SLC35D4: variants seen among roughly 807,000 people sequenced by gnomAD.
The protein encoded by SLC35D4 is UDP-N-acetylglucosamine transporter SLC35D4.
chr18:23,362,882 A>G, the SLC35D4 span, among the ~76,000 whole-genome samples: 2 of 152,206 alleles, frequency 1.3e-5, no homozygotes, highest in African/African-American at 2.4e-5. Context: ...TCTGACCATC[A>G]TAAGTTTAAC....
At chr18:23,257,822 CTATT>C in the SLC35D4 span, 1 of 154,188 alleles carries the variant, frequency 6.5e-6, no homozygotes, top group African/African-American at 2.4e-5. Context: ...GTGTGCCAAT[CTATT>C]TTTGTATCAG....
At chr18:23,305,287 T>C in the SLC35D4 span, among the ~76,000 whole-genome samples, 3 of 152,226 alleles carry the variant, frequency 2.0e-5, no homozygotes, top group Non-Finnish European at 4.4e-5. Flanking sequence ...AGGATCACAG[T>C]GGTGGGACAA....
chr18:23,423,867 C>G, the SLC35D4 span, among the ~76,000 whole-genome samples: 1 of 152,124 alleles, frequency 6.6e-6, no homozygotes, highest in African/African-American at 2.4e-5. Context: ...ACCCCAGCAC[C>G]GGAGCACTGG....
the SLC35D4 span, among the ~76,000 whole-genome samples, chr18:23,337,969 A>G: frequency 6.6e-6 from 1 of 152,354 alleles, no homozygotes; most frequent in Non-Finnish European, 1.5e-5. Flanking sequence ...GGAAACTCCT[A>G]TATGGGAGAC....
chr18:23,355,298 C>T, the SLC35D4 span, among the ~76,000 whole-genome samples: 1 of 152,148 alleles, frequency 6.6e-6, no homozygotes, highest in Non-Finnish European at 1.5e-5. Context: ...CCCACAAAGC[C>T]AACATCAATG....
the SLC35D4 span, chr18:23,365,711 C>G: frequency 6.2e-7 from 1 of 1,605,530 alleles, no homozygotes; most frequent in Non-Finnish European, 8.5e-7. Flanking sequence ...TTCCCCGGCA[C>G]CAAAAACCCC....
chr18:23,375,133 A>T, the SLC35D4 span, among the ~76,000 whole-genome samples: 1 of 148,104 alleles, frequency 6.8e-6, no homozygotes, highest in African/African-American at 2.5e-5. Flanking sequence ...AATAAAAATA[A>T]AAATAAATAA....
chr18:23,246,638 A>G, the SLC35D4 span, among the ~76,000 whole-genome samples: 9,367 of 151,362 alleles, frequency 0.062, 781 homozygotes, highest in African/African-American at 0.16. Flanking sequence ...TGATCCGCCC[A>G]CCTTGGCCTC....
the SLC35D4 span, chr18:23,258,010 A>G: frequency 1.3e-5 from 2 of 152,202 alleles, no homozygotes; most frequent in Non-Finnish European, 2.9e-5. Flanking sequence ...TGATTTCTGG[A>G]TAAGAATTGC....
the SLC35D4 span, among the ~76,000 whole-genome samples, chr18:23,401,432 G>C: frequency 6.6e-6 from 1 of 152,212 alleles, no homozygotes; most frequent in Non-Finnish European, 1.5e-5. Flanking sequence ...TGTAATAGAT[G>C]TCAGCACCCC....
At chr18:23,250,178 G>A in the SLC35D4 span, among the ~76,000 whole-genome samples, 1 of 152,224 alleles carries the variant, frequency 6.6e-6, no homozygotes, top group Non-Finnish European at 1.5e-5. Flanking sequence ...CCACATGATC[G>A]TTAAGCAGCA....
At chr18:23,275,245 C>T in the SLC35D4 span, among the ~76,000 whole-genome samples, 11 of 152,122 alleles carry the variant, frequency 7.2e-5, no homozygotes, top group Non-Finnish European at 1.3e-4. Flanking sequence ...TGCACTCACA[C>T]GGCCAGGCTG....
At chr18:23,312,718 A>G in the SLC35D4 span, among the ~76,000 whole-genome samples, 2 of 152,144 alleles carry the variant, frequency 1.3e-5, no homozygotes, top group African/African-American at 4.8e-5. Context: ...ATCTGTTTAC[A>G]AGCCTATCTC....
the SLC35D4 span, chr18:23,352,177 C>T: frequency 1.9e-6 from 3 of 1,584,596 alleles, no homozygotes; most frequent in Non-Finnish European, 2.6e-6. Flanking sequence ...GAGAATTTCC[C>T]ACCCCTCTTG....
chr18:23,244,396 G>A, the SLC35D4 span, among the ~76,000 whole-genome samples: 1 of 152,224 alleles, frequency 6.6e-6, no homozygotes, highest in Non-Finnish European at 1.5e-5. Context: ...TCCAGGATTC[G>A]GTATTTTGAA....
chr18:23,411,226 GAGGGA>G, the SLC35D4 span, among the ~76,000 whole-genome samples: 1 of 142,898 alleles, frequency 7.0e-6, no homozygotes, highest in Non-Finnish European at 1.5e-5. Context: ...GAGGGGAGGG[GAGGGA>G]AGGGAAGGGG....
the SLC35D4 span, among the ~76,000 whole-genome samples, chr18:23,395,861 A>G: frequency 1.1e-4 from 17 of 152,288 alleles, no homozygotes; most frequent in East Asian, 3.1e-3. Context: ...CCCAAGTCCA[A>G]CTCACACTTC....
the SLC35D4 span, chr18:23,385,067 C>T: frequency 2.2e-5 from 35 of 1,611,812 alleles, no homozygotes; most frequent in Admixed American, 5.5e-4. Flanking sequence ...ACAGGAATGG[C>T]CTGAAAGAAA....
chr18:23,308,842 C>A, the SLC35D4 span, among the ~76,000 whole-genome samples: 1 of 146,066 alleles, frequency 6.8e-6, no homozygotes, highest in Non-Finnish European at 1.5e-5. Context: ...AAACACAGCA[C>A]GTGTTTTCTC....
Sources: gnomAD v4.1 joint callset for allele counts (sites outside exome capture counted in the v4.1 genomes callset) on GRCh38, gnomAD v4.1.1 for gene constraint, MANE v1.5 for transcripts, NCBI Gene and HGNC (gene_info 2026-07-23, HGNC 2026-07-21) for gene names.